The following PHLPP1 variants were observed in gnomAD, a reference collection of about 807,000 sequenced individuals.
PHLPP1 encodes PH domain leucine-rich repeat-containing protein phosphatase 1.
PHLPP1 carries 42 observed loss-of-function variants against 117.2 expected under a neutral mutation model. That is an observed-to-expected ratio of 0.36 (90% CI 0.28 to 0.46). The LOEUF (loss-of-function observed/expected upper bound fraction) is 0.46, where lower values mean the gene tolerates loss of function less well. PHLPP1 is among the 20% of genes least tolerant of loss of function. PHLPP1 has a pLI of 1.00. For synonymous variants in PHLPP1, 1,042 were observed against 970.7 expected (o/e 1.07, Z -1.37); for missense variants, 2,084 against 2,241.9 (o/e 0.93, Z 1.42).
chr18:62,888,201 A>G (rs1916326748), intron 4 of PHLPP1, among the ~76,000 whole-genome samples: 2 of 152,200 alleles, frequency 1.3e-5, no homozygotes, highest in South Asian at 4.1e-4. Context: ...TTGAACAGCT[A>G]TGAAGAAATA....
At chr18:62,946,390 C>T (rs917403588) in intron 12 of PHLPP1, among the ~76,000 whole-genome samples, 2 of 152,124 alleles carry the variant, frequency 1.3e-5, no homozygotes, top group Non-Finnish European at 2.9e-5. Flanking sequence ...CGCAGCCTCC[C>T]GACTAGCTGG....
intron 12 of PHLPP1, among the ~76,000 whole-genome samples, chr18:62,957,959 C>G (rs937368412): frequency 6.6e-6 from 1 of 152,194 alleles, no homozygotes; most frequent in Admixed American, 6.6e-5. Flanking sequence ...ACGCCTGCCT[C>G]TGCCTCCCAA....
chr18:62,777,581 C>A (rs557627148), intron 1 of PHLPP1, among the ~76,000 whole-genome samples: 103 of 151,440 alleles, frequency 6.8e-4, no homozygotes, highest in Non-Finnish European at 1.1e-3. Context: ...TTTTTTAAAG[C>A]CTAATTTGTG....
In PHLPP1 at chr18:62,980,060, T is replaced by C. The variant is rs903505444; in HGVS notation, c.*629T>C. ...GTGAGGCTTACGATGTTTTGTAGTC[T>C]TGGCGTAAGGACACAGCCCAAGTAA... On this transcript the variant is annotated 3_prime_UTR_variant, in exon 17 of 17. Transcript: ENST00000262719. 3.3e-5 allele frequency: 5 copies of C among 152,756 alleles called. No individual in the cohort carries two copies. The highest frequency in any genetic ancestry group is 1.2e-4 in the African/African-American group (5 of 41,444). 9.5% of individuals were successfully genotyped at this position (152,756 alleles called of 1,614,324 possible).
In PHLPP1 at chr18:62,715,838, A is replaced by G. The variant is rs11152356; in HGVS notation, c.155A>G (p.Glu52Gly). 7 of 738,450 alleles carry G rather than the reference A, an allele frequency of 9.5e-6. No individual in the cohort carries two copies. Among genetic ancestry groups the G allele is most frequent in the African/African-American group, 2.0e-5 (1 of 51,018 alleles). 45.7% of individuals were successfully genotyped at this position (738,450 alleles called of 1,614,324 possible). A position where few individuals can be genotyped will look rare whatever the true frequency, so the allele number is the denominator to read the frequency against. Residue 52 changes from glutamate (E) to glycine (G), a missense_variant, in exon 1 of 17, where the codon GAG (glutamate) becomes GGG (glycine). Transcript: ENST00000262719. ...AAAAGGGRSP[E>G]PALTPAAPSG... Reference sequence around the variant, plus strand: ...GCGGCCGGGGGCGGCCGGAGTCCGGAGCCCGCGCTGACCCCGGCGGCCCCG... The same window carrying G: ...GCGGCCGGGGGCGGCCGGAGTCCGGGGCCCGCGCTGACCCCGGCGGCCCCG...
chr18:62,958,757 G>A lies in PHLPP1; in HGVS notation c.3453G>A (p.Leu1151=), dbSNP rs763286521. ...LVLDHKTLEL[L]NNIRCFKIDQ... The stretch of plus-strand genomic sequence containing the variant: ...TTGATCACAAAACCCTGGAACTACT[G>A]AAGTAAGTATTCTGTAAAGCACTGT... Residue 1151 remains leucine, a splice_region_variant and synonymous_variant, in exon 13 of 17, where the codon CTG becomes CTA. Coordinates refer to ENST00000262719, the MANE Select transcript of PHLPP1 (RefSeq NM_194449.4). 2 of 1,613,962 alleles carry A rather than the reference G, an allele frequency of 1.2e-6. No homozygotes were observed. The highest frequency in any genetic ancestry group is 8.5e-7 in the Non-Finnish European group (1 of 1,179,846).
intron 13 of PHLPP1, among the ~76,000 whole-genome samples, chr18:62,962,435 G>C (rs992175643): frequency 6.6e-6 from 1 of 152,144 alleles, no homozygotes; most frequent in Non-Finnish European, 1.5e-5. Context: ...AGCCTCCCGA[G>C]TAGCTGGAGT....
intron 9 of PHLPP1, among the ~76,000 whole-genome samples, chr18:62,918,913 C>G (rs1393631752): frequency 6.6e-6 from 1 of 151,510 alleles, no homozygotes; most frequent in Non-Finnish European, 1.5e-5. Context: ...ATTTAGCCAT[C>G]CCACAATGTA....
At chr18:62,819,773 G>A (rs892245282) in intron 1 of PHLPP1, among the ~76,000 whole-genome samples, 5 of 152,160 alleles carry the variant, frequency 3.3e-5, no homozygotes, top group Admixed American at 3.3e-4. Flanking sequence ...AGCCTCCCGA[G>A]TAGCTGGGAT....
In PHLPP1 at chr18:62,802,160, G is replaced by T. The variant is rs563400803; in HGVS notation, c.1577-27875G>T. On this transcript the variant is annotated intron_variant, in intron 1 of 16. Coordinates refer to ENST00000262719, the MANE Select transcript of PHLPP1 (RefSeq NM_194449.4). ...CTACCCCTTTTTCCAGTTGTTGATGGAAGAGAGGCCAAAGAAAAGAAGAAA... is the reference window on the plus strand; with the variant it reads ...CTACCCCTTTTTCCAGTTGTTGATGTAAGAGAGGCCAAAGAAAAGAAGAAA... Among the ~76,000 whole-genome samples, 8 of 152,276 alleles carry T rather than the reference G, an allele frequency of 5.3e-5. No individual in the cohort carries two copies. The South Asian group carries it at 1.7e-3, about 32-fold the overall frequency.
intron 1 of PHLPP1, among the ~76,000 whole-genome samples, chr18:62,764,746 C>T (rs1912406939): frequency 6.6e-6 from 1 of 152,302 alleles, no homozygotes; most frequent in Middle Eastern, 3.4e-3. Context: ...AGTGGTGTGC[C>T]TGGCATGTGA....
intron 10 of PHLPP1, among the ~76,000 whole-genome samples, chr18:62,937,754 G>C (rs1944530775): frequency 1.3e-5 from 2 of 152,168 alleles, no homozygotes; most frequent in African/African-American, 4.8e-5. Flanking sequence ...GCTCACACCT[G>C]TAGTCCCAGC....
intron 1 of PHLPP1, among the ~76,000 whole-genome samples, chr18:62,796,480 GGAA>G (rs974349415): frequency 1.1e-4 from 17 of 152,322 alleles, no homozygotes; most frequent in African/African-American, 3.8e-4. Flanking sequence ...AGGAGAGGAA[GGAA>G]TTGTTCAAAC....
chr18:62,860,345 G>T, intron 3 of PHLPP1, 90 bp from the exon 4 acceptor site: 1 of 1,068,826 alleles, frequency 9.4e-7, no homozygotes, highest in Non-Finnish European at 1.4e-6. Flanking sequence ...TAGAATATCT[G>T]TTCCAAATTG....
At chr18:62,939,264 A>T (rs1210353866) in intron 10 of PHLPP1, among the ~76,000 whole-genome samples, 2 of 152,086 alleles carry the variant, frequency 1.3e-5, no homozygotes, top group Non-Finnish European at 2.9e-5. Context: ...AAGTGCTGGG[A>T]TTACAGGTGT....
rs368142767 is a variant in PHLPP1 at position 62,776,043 on chromosome 18, G to A, written c.1577-53992G>A. On this transcript the variant is annotated intron_variant, in intron 1 of 16. Transcript: ENST00000262719. ...CTATCTATGTCTATACATAGGCATA[G>A]ATATATATCTATAAAGAGATTTAAA... Among the ~76,000 whole-genome samples the A allele has an allele frequency of 1.2e-3, 188 of 152,066 alleles. 8 individuals carry two copies. In the South Asian group the frequency reaches 0.037, roughly 30 times the overall value.
At chr18:62,905,100 T>G (rs1916812549) in intron 7 of PHLPP1, 124 bp from the exon 8 acceptor site, 1 of 470,968 alleles carries the variant, frequency 2.1e-6, no homozygotes, top group Non-Finnish European at 3.6e-6. Context: ...AAATGATGTA[T>G]TGTACTTCCT....
At chr18:62,836,076 C>T (rs1388330028) in intron 2 of PHLPP1, among the ~76,000 whole-genome samples, 6 of 151,746 alleles carry the variant, frequency 4.0e-5, no homozygotes, top group African/African-American at 1.2e-4. Flanking sequence ...CCACCGTGCC[C>T]GGCCTTGTTC....
At chr18:62,819,183 G>A (rs9955130) in intron 1 of PHLPP1, among the ~76,000 whole-genome samples, 8,280 of 152,240 alleles carry the variant, frequency 0.054, 768 homozygotes, top group African/African-American at 0.19. Context: ...ACTGGGAGAA[G>A]GGAAATGGCA....
Sources: gnomAD v4.1 joint callset for allele counts (sites outside exome capture counted in the v4.1 genomes callset) on GRCh38, gnomAD v4.1.1 for gene constraint, MANE v1.5 for transcripts, NCBI Gene and HGNC (gene_info 2026-07-23, HGNC 2026-07-21) for gene names.